ALPK3: variants seen among roughly 807,000 people sequenced by gnomAD.
ALPK3 encodes alpha-protein kinase 3.
Under a neutral mutation model 140.0 loss-of-function variants are expected in ALPK3, and 102 were observed. That is an observed-to-expected ratio of 0.73 (90% confidence interval 0.62 to 0.86). The LOEUF (loss-of-function observed/expected upper bound fraction) is 0.86, where lower values mean the gene tolerates loss of function less well. Ranked by LOEUF, ALPK3 falls within the 40% of genes least tolerant of loss-of-function variation. The probability of loss-of-function intolerance (pLI) is 0.00; values close to 1 mark genes in which losing one functional copy is unlikely to be tolerated. For synonymous variants in ALPK3, 938 were observed against 898.5 expected (o/e 1.04, Z -0.79); for missense variants, 2,254 against 2,208.2 (o/e 1.02, Z -0.42).
intron 1 of ALPK3, among the ~76,000 whole-genome samples, chr15:84,820,824 A>C (rs1265190735): frequency 6.6e-6 from 1 of 151,978 alleles, no homozygotes; most frequent in African/African-American, 2.4e-5. Context: ...GGGTCTTGCT[A>C]TATCACCGAG....
At chr15:84,820,990 C>CTT (rs58932296) in intron 1 of ALPK3, among the ~76,000 whole-genome samples, 12 of 150,728 alleles carry the variant, frequency 8.0e-5, no homozygotes, top group East Asian at 7.8e-4. Context: ...ACCTCCAACC[C>CTT]TTTTTTTTTC....
chr15:84,821,663 CTT>C (rs1448439507), intron 1 of ALPK3, among the ~76,000 whole-genome samples: 2 of 152,048 alleles, frequency 1.3e-5, no homozygotes, highest in Non-Finnish European at 1.5e-5. Context: ...TGAAAAATGC[CTT>C]TCTCTCCCCT....
chr15:84,834,140 A>G (rs1229794961), intron 3 of ALPK3, among the ~76,000 whole-genome samples: 1 of 152,192 alleles, frequency 6.6e-6, no homozygotes, highest in African/African-American at 2.4e-5. Flanking sequence ...GACTGTTGGA[A>G]GCAAAAACTT....
chr15:84,859,577 C>A (rs565905472), intron 7 of ALPK3, among the ~76,000 whole-genome samples, 187 bp downstream of exon 7: 1 of 152,330 alleles, frequency 6.6e-6, no homozygotes, highest in African/African-American at 2.4e-5. Flanking sequence ...TGTCCAAAGC[C>A]ACACAGCTAG....
rs199907297 is a variant in ALPK3 at position 84,857,182 on chromosome 15, G to A, written c.2444G>A (p.Gly815Glu). The change falls in exon 6 of 14, where the codon GGA (glycine) becomes GAA (glutamate). Residue 815 changes from glycine (G) to glutamate (E), a missense_variant. Coordinates refer to ENST00000258888, the MANE Select transcript of ALPK3 (RefSeq NM_020778.5). ...PHEGSVEQVG[G>E]ERCRGPQSSG... Reference sequence around the variant, plus strand: ...GAGGGGAGTGTGGAGCAGGTGGGAGGAGAGAGATGCCGAGGGCCACAGTCA... The same window carrying A: ...GAGGGGAGTGTGGAGCAGGTGGGAGAAGAGAGATGCCGAGGGCCACAGTCA... 77 of 1,613,992 alleles carry A rather than the reference G, an allele frequency of 4.8e-5. No homozygotes were observed. Among genetic ancestry groups the A allele is most frequent in the Non-Finnish European group, 6.1e-5 (72 of 1,179,956 alleles).
At chr15:84,859,950 G>A (rs1197449093) in intron 8 of ALPK3, 47 bp downstream of exon 8, 5 of 1,613,872 alleles carry the variant, frequency 3.1e-6, no homozygotes, top group Non-Finnish European at 4.2e-6. Flanking sequence ...CTGGCTCCTG[G>A]TGGGTGGGCA....
chr15:84,847,225 GAGA>G (rs1567091407), intron 5 of ALPK3, among the ~76,000 whole-genome samples: 5 of 150,736 alleles, frequency 3.3e-5, no homozygotes, highest in African/African-American at 1.2e-4. Context: ...GAGAGAGAGA[GAGA>G]GAGAGAGAGA....
chr15:84,856,286 C>T (rs1963858581), intron 5 of ALPK3, 106 bp from the exon 6 acceptor site: 2 of 1,472,158 alleles, frequency 1.4e-6, no homozygotes, highest in African/African-American at 1.4e-5. Context: ...GCAAGATTCC[C>T]ATCAGAGCAG....
intron 5 of ALPK3, among the ~76,000 whole-genome samples, chr15:84,855,316 G>A (rs1229649858): frequency 6.6e-6 from 1 of 152,126 alleles, no homozygotes; most frequent in Non-Finnish European, 1.5e-5. Flanking sequence ...GCTGAGCTGT[G>A]GCCCTGTTTA....
rs1265508575 is a variant in ALPK3 at position 84,856,959 on chromosome 15, C to G, written c.2221C>G (p.Leu741Val). The part of the protein sequence containing the change: ...SLGPPSRTPK[L>V]PPTAGPRAPL... ...CGGCCCACCATCCAGAACCCCCAAA[C>G]TCCCACCTACAGCGGGTCCTAGAGC... is the stretch of plus-strand genomic sequence containing the variant. Residue 741 changes from leucine (L) to valine (V), a missense_variant, in exon 6 of 14, where the codon CTC becomes GTC. Physicochemically the swap from Leu to Val is conservative, Grantham distance 32. Coordinates refer to ENST00000258888, the MANE Select transcript of ALPK3 (RefSeq NM_020778.5). 1 of 1,614,040 alleles carries G rather than the reference C, an allele frequency of 6.2e-7. No homozygotes were observed.
In ALPK3 at chr15:84,856,574, A is replaced by G. The variant is rs1342619273; in HGVS notation, c.1836A>G (p.Ala612=). Residue 612 remains alanine (A), a synonymous_variant, in exon 6 of 14, where the codon GCA becomes GCG. Transcript: ENST00000258888. The part of the protein sequence containing the change: ...QRTGSKKNVQ[A]DGKIQVDGRT... ...CTGGAAGCAAGAAGAATGTGCAGGC[A>G]GATGGGAAGATACAAGTGGATGGAA... 1.2e-6 allele frequency: 2 copies of G among 1,614,212 alleles called. No homozygotes were observed. The highest frequency in any genetic ancestry group is 1.7e-6 in the Non-Finnish European group (2 of 1,180,036).
intron 5 of ALPK3, among the ~76,000 whole-genome samples, chr15:84,849,363 G>C (rs1442182917): frequency 6.6e-6 from 1 of 152,108 alleles, no homozygotes; most frequent in Non-Finnish European, 1.5e-5. Flanking sequence ...AGAACTAGTA[G>C]ACAGAAAATC....
At chr15:84,834,522 A>C (rs766854855) in intron 3 of ALPK3, among the ~76,000 whole-genome samples, 7 of 152,268 alleles carry the variant, frequency 4.6e-5, no homozygotes, top group Admixed American at 2.6e-4. Context: ...GTCTTCATTA[A>C]TGTTGGCAAT....
chr15:84,848,722 C>A (rs372792437), intron 5 of ALPK3, among the ~76,000 whole-genome samples: 67 of 152,190 alleles, frequency 4.4e-4, no homozygotes, highest in African/African-American at 1.5e-3. Context: ...ATAAGAAATC[C>A]ATTTCAAATA....
In ALPK3 at chr15:84,836,687, C is replaced by T. The variant is rs1030985957; in HGVS notation, c.305-2293C>T. On this transcript the variant is annotated intron_variant, in intron 3 of 13. Transcript: ENST00000258888. ...ATGGTAAGCTTGATACCTCTTGGAC[C>T]TTCAAGTGGAAATGCCAGATATGCA... 1.8e-4 allele frequency among the ~76,000 whole-genome samples: 27 copies of T among 152,206 alleles called. 1 individual carries two copies. Among genetic ancestry groups the T allele is most frequent in the Admixed American group, 1.4e-3 (22 of 15,286 alleles).
rs545471792 is a variant in ALPK3, at chr15:84,871,564, T to C, written c.*3108T>C. On this transcript the variant is annotated 3_prime_UTR_variant, in exon 14 of 14. Coordinates refer to ENST00000258888, the MANE Select transcript of ALPK3 (RefSeq NM_020778.5). Reference sequence around the variant, plus strand: ...CTAAACCTCGGGTATGAGAAAAGCATTGAGATCTAGCAATAGCAGGGCCAT... The same window carrying C: ...CTAAACCTCGGGTATGAGAAAAGCACTGAGATCTAGCAATAGCAGGGCCAT... 1 of 152,332 alleles carries C rather than the reference T, an allele frequency of 6.6e-6. No homozygotes were observed. The highest frequency in any genetic ancestry group is 2.1e-4 in the South Asian group (1 of 4,820). 9.4% of individuals were successfully genotyped at this position (152,332 alleles called of 1,614,324 possible). A position where few individuals can be genotyped will look rare whatever the true frequency, so the allele number is the denominator to read the frequency against.
rs373233818 is a variant in ALPK3 at position 84,862,812 on chromosome 15, T to A, written c.4307T>A (p.Phe1436Tyr). ...GTCATCTACGGGCTGGAACCCATCT[T>A]CGAGTCGGGCCGCACGTGCATCATC... Reference protein sequence around the residue: ...AKVIYGLEPIFESGRTCIIKV... With the variant: ...AKVIYGLEPIYESGRTCIIKV... Residue 1436 changes from phenylalanine to tyrosine, a missense_variant, in exon 10 of 14, where the codon TTC becomes TAC. Phe to Tyr is a conservative substitution (Grantham distance 22). Transcript: ENST00000258888. 5.8e-5 allele frequency: 93 copies of A among 1,614,038 alleles called. No individual in the cohort carries two copies. The highest frequency in any genetic ancestry group is 7.8e-5 in the Non-Finnish European group (92 of 1,180,034).
intron 3 of ALPK3, among the ~76,000 whole-genome samples, chr15:84,838,641 A>ATTATTAT (rs1963621654): frequency 1.3e-5 from 1 of 74,750 alleles, no homozygotes; most frequent in Non-Finnish European, 2.7e-5. Context: ...ATTATTATTG[A>ATTATTAT]GATGGAGTCT....
chr15:84,824,214 T>C (rs1963460203), intron 2 of ALPK3, among the ~76,000 whole-genome samples: 1 of 152,232 alleles, frequency 6.6e-6, no homozygotes, highest in Non-Finnish European at 1.5e-5. Context: ...GATCAGAGAA[T>C]ACCACGTTAA....
Sources: gnomAD v4.1 joint callset for allele counts (sites outside exome capture counted in the v4.1 genomes callset) on GRCh38, gnomAD v4.1.1 for gene constraint, MANE v1.5 for transcripts, NCBI Gene and HGNC (gene_info 2026-07-23, HGNC 2026-07-21) for gene names.